The following C3orf70 variants were observed in gnomAD, a reference collection of about 807,000 sequenced individuals.
The protein encoded by C3orf70 is UPF0524 protein C3orf70.
C3orf70 carries 15 observed loss-of-function variants against 20.7 expected under a neutral mutation model. That is an observed-to-expected ratio of 0.72 (90% CI 0.48 to 1.11). C3orf70 has a LOEUF of 1.11. Ranked by LOEUF, C3orf70 falls within the 50% of genes most tolerant of loss-of-function variation. The pLI, the probability that C3orf70 is intolerant of heterozygous loss-of-function variation, is 0.00. For synonymous variants in C3orf70, 161 were observed against 125.7 expected (o/e 1.28, Z -1.88); for missense variants, 332 against 317.6 (o/e 1.05, Z -0.34).
At chr3:185,138,816 T>A (rs557900219) in intron 1 of C3orf70, among the ~76,000 whole-genome samples, 3 of 152,310 alleles carry the variant, frequency 2.0e-5, no homozygotes, top group African/African-American at 7.2e-5. Flanking sequence ...GGTGAAAGAT[T>A]TGGCTGGGCG....
At chr3:185,092,815 A>AC (rs200996748) in intron 1 of C3orf70, among the ~76,000 whole-genome samples, 3,445 of 152,174 alleles carry the variant, frequency 0.023, 37 homozygotes, top group South Asian at 0.06. Flanking sequence ...ACATGGTGAA[A>AC]CCCCGTCTGT....
At chr3:185,133,571 T>C (rs1208872345) in intron 1 of C3orf70, among the ~76,000 whole-genome samples, 3 of 151,574 alleles carry the variant, frequency 2.0e-5, no homozygotes, top group African/African-American at 7.3e-5. Context: ...AGCAAAACCC[T>C]GTCTCTACCA....
intron 1 of C3orf70, among the ~76,000 whole-genome samples, chr3:185,118,186 A>G (rs1386193995): frequency 3.9e-5 from 6 of 152,344 alleles, no homozygotes; most frequent in Non-Finnish European, 7.3e-5. Context: ...TGTTGAATAA[A>G]TGAATAAATG....
At chr3:185,124,221 G>A (rs36084212) in intron 1 of C3orf70, among the ~76,000 whole-genome samples, 9,044 of 152,100 alleles carry the variant, frequency 0.059, 382 homozygotes, top group South Asian at 0.11. Flanking sequence ...TGGTATCCAC[G>A]GGGGGATCCT....
intron 1 of C3orf70, among the ~76,000 whole-genome samples, chr3:185,105,290 A>G (rs1052694209): frequency 1.3e-5 from 2 of 152,256 alleles, no homozygotes; most frequent in African/African-American, 4.8e-5. Flanking sequence ...TGACATGTTC[A>G]TGATGGTCAT....
intron 1 of C3orf70, among the ~76,000 whole-genome samples, chr3:185,106,751 G>A: frequency 6.6e-6 from 1 of 152,204 alleles, no homozygotes; most frequent in East Asian, 1.9e-4. Flanking sequence ...TCTGCCTGGG[G>A]AACCCCCCGC....
chr3:185,134,446 C>T (rs553154096), intron 1 of C3orf70, among the ~76,000 whole-genome samples: 7 of 152,250 alleles, frequency 4.6e-5, no homozygotes, highest in South Asian at 2.1e-4. Flanking sequence ...CTAGGAACCT[C>T]GGGGCCCAAG....
chr3:185,149,607 C>T (rs1716948638), intron 1 of C3orf70, among the ~76,000 whole-genome samples: 1 of 152,104 alleles, frequency 6.6e-6, no homozygotes, highest in South Asian at 2.1e-4. Context: ...CTGTAAACTC[C>T]ATGAATACCA....
intron 1 of C3orf70, among the ~76,000 whole-genome samples, chr3:185,092,799 T>TGGCCAA (rs1218719725): frequency 6.6e-6 from 1 of 152,072 alleles, no homozygotes; most frequent in Non-Finnish European, 1.5e-5. Context: ...GAGACCATCC[T>TGGCCAA]GGCCAACATG....
Position 185,091,924 on chromosome 3 carries a change from T to C in C3orf70, c.197-8361A>G, listed in dbSNP as rs1363599005. On this transcript the variant is annotated intron_variant, in intron 1 of 1. Coordinates refer to ENST00000335012, the MANE Select transcript of C3orf70 (RefSeq NM_001025266.3). Reference sequence around the variant, plus strand: ...ACACACACACATACATATATATATATATATATATATATATATATATATATA... The same window carrying C: ...ACACACACACATACATATATATATACATATATATATATATATATATATATA... 1.2e-3 allele frequency among the ~76,000 whole-genome samples: 4 copies of C among 3,448 alleles called. No individual in the cohort carries two copies. The East Asian group carries it at 0.019, about 16-fold the overall frequency. The allele number at this position is 3,448 out of a possible 152,430, so 2.3% of individuals were successfully genotyped here.
chr3:185,111,055 G>A (rs1716061095), intron 1 of C3orf70, among the ~76,000 whole-genome samples: 1 of 152,028 alleles, frequency 6.6e-6, no homozygotes, highest in African/African-American at 2.4e-5. Flanking sequence ...TGGCACACAT[G>A]CAAAAGAAAG....
At chr3:185,096,933 G>A (rs759242520) in intron 1 of C3orf70, among the ~76,000 whole-genome samples, 1 of 152,138 alleles carries the variant, frequency 6.6e-6, no homozygotes, top group Non-Finnish European at 1.5e-5. Context: ...GCGTTTCTCT[G>A]CTGTCCTTTG....
intron 1 of C3orf70, among the ~76,000 whole-genome samples, chr3:185,130,338 C>T (rs1342280722): frequency 6.6e-6 from 1 of 152,052 alleles, no homozygotes; most frequent in African/African-American, 2.4e-5. Context: ...CCTGTAGTCC[C>T]AGATACTCAG....
chr3:185,124,711 C>CTCACTAGGAGTTTTACACTG (rs1300761174), intron 1 of C3orf70, among the ~76,000 whole-genome samples: 1 of 152,012 alleles, frequency 6.6e-6, no homozygotes, highest in Admixed American at 6.5e-5. Flanking sequence ...TGTAAAACTC[C>CTCACTAGGAGTTTTACACTG]TCACTAGACA....
At chr3:185,124,555 C>T (rs1400981850) in intron 1 of C3orf70, among the ~76,000 whole-genome samples, 2 of 151,976 alleles carry the variant, frequency 1.3e-5, no homozygotes, top group African/African-American at 2.4e-5. Context: ...GAGTCAGAGA[C>T]GTAAACATGA....
At chr3:185,145,399 C>T (rs912889427) in intron 1 of C3orf70, among the ~76,000 whole-genome samples, 34 of 152,284 alleles carry the variant, frequency 2.2e-4, no homozygotes, top group African/African-American at 7.2e-4. Context: ...ACTGAAGCTT[C>T]GTATCATACA....
rs1344686607 is a variant in C3orf70 at position 185,081,609 on chromosome 3, A to G, written c.*1398T>C. On this transcript the variant is annotated 3_prime_UTR_variant, in exon 2 of 2. Transcript: ENST00000335012. Reference sequence around the variant, plus strand: ...TTTGAAACTATGCCTCATGGATAGAAGGTTTGGAGAAATAGCAGTTAACTG... The same window carrying G: ...TTTGAAACTATGCCTCATGGATAGAGGGTTTGGAGAAATAGCAGTTAACTG... The G allele has an allele frequency of 1.3e-5, 2 of 152,452 alleles. No individual in the cohort carries two copies. The highest frequency in any genetic ancestry group is 3.9e-4 in the East Asian group (2 of 5,186). The allele number at this position is 152,452 out of a possible 1,614,324, so 9.4% of individuals were successfully genotyped here.
At chr3:185,102,780 A>G (rs947389558) in intron 1 of C3orf70, among the ~76,000 whole-genome samples, 3 of 152,228 alleles carry the variant, frequency 2.0e-5, no homozygotes, top group Non-Finnish European at 4.4e-5. Context: ...ATCTTCTACA[A>G]AGTTGATAAA....
intron 1 of C3orf70, among the ~76,000 whole-genome samples, chr3:185,102,816 TATTC>T (rs1192813910): frequency 6.6e-6 from 1 of 152,224 alleles, no homozygotes; most frequent in Admixed American, 6.5e-5. Context: ...AAGGAATCCT[TATTC>T]AATAAATGAT....
Sources: gnomAD v4.1 joint callset for allele counts (sites outside exome capture counted in the v4.1 genomes callset) on GRCh38, gnomAD v4.1.1 for gene constraint, MANE v1.5 for transcripts, NCBI Gene and HGNC (gene_info 2026-07-23, HGNC 2026-07-21) for gene names.